ALG13: variants seen among roughly 807,000 people sequenced by gnomAD.
The protein encoded by ALG13 is UDP-N-acetylglucosamine transferase subunit ALG13.
A neutral mutation model predicts 87.8 loss-of-function variants in ALG13; 11 were observed. That is an observed-to-expected ratio of 0.13 (90% CI 0.08 to 0.21). ALG13 has a LOEUF of 0.21. Among genes scored for constraint, ALG13 ranks in the 10% least tolerant of loss-of-function variants. The pLI is 1.00. For synonymous variants in ALG13, 320 were observed against 306.3 expected (o/e 1.04, Z -0.47); for missense variants, 756 against 866.1 (o/e 0.87, Z 1.60).
At chrX:111,740,927 G>T (rs1943688591) in intron 23 of ALG13, among the ~76,000 whole-genome samples, 1 of 112,269 alleles carries the variant, frequency 8.9e-6, no homozygotes, top group African/African-American at 3.2e-5. Context: ...CCAAATAGAT[G>T]AGGGGAAGTA....
chrX:111,709,051 A>G lies in ALG13; in HGVS notation c.834+3A>G, dbSNP rs370066652. ...AAAATCAACAAACTTTTGAGTCTGTAAGTAGAATACATACCCAGGGGAGAA... is the reference window on the plus strand; with the variant it reads ...AAAATCAACAAACTTTTGAGTCTGTGAGTAGAATACATACCCAGGGGAGAA... On this transcript the variant is annotated splice_donor_region_variant and intron_variant, in intron 5 of 26. Transcript: ENST00000394780. 6.3e-6 allele frequency: 7 copies of G among 1,118,094 alleles called. No individual in the cohort carries two copies. In the African/African-American group the frequency reaches 1.1e-4, roughly 17 times the overall value. The allele number at this position is 1,118,094 out of a possible 1,213,427, so 92.1% of individuals were successfully genotyped here. A position where few individuals can be genotyped will look rare whatever the true frequency, so the allele number is the denominator to read the frequency against.
In ALG13 at chrX:111,736,887, A is replaced by AT. The variant is rs1404385521; in HGVS notation, c.2695+10dup. 1.7e-6 allele frequency: 2 copies of AT among 1,188,904 alleles called. No individual in the cohort carries two copies. The highest frequency in any genetic ancestry group is 3.5e-5 in the African/African-American group (2 of 56,581). On this transcript the variant is annotated intron_variant, in intron 23 of 26. Transcript: ENST00000394780. The stretch of plus-strand genomic sequence containing the variant: ...CTACACACGGCAGGCCAGGTAGGTT[A>AT]TTAGCAGATGCTTACTTTGGAAGCC...
chrX:111,686,263 T>TAC, intron 3 of ALG13: 3 of 393,878 alleles, frequency 7.6e-6, no homozygotes, highest in Non-Finnish European at 7.6e-6. Flanking sequence ...TATATATGTG[T>TAC]ATATATATAT....
At position 111,758,914 on chromosome X, in the gene ALG13, G is replaced by C. The variant is rs930175331; in HGVS notation, c.3149-820G>C. Among the ~76,000 whole-genome samples the C allele has an allele frequency of 1.8e-5, 2 of 111,324 alleles. 1 individual carries two copies. The highest frequency in any genetic ancestry group is 6.5e-5 in the African/African-American group (2 of 30,608). ...CAGGAGTTCGTACCTGACTTGCCAG[G>C]GTTGTTATAAGAACTAATTGGGACC... is the stretch of plus-strand genomic sequence containing the variant. On this transcript the variant is annotated intron_variant, in intron 26 of 26. Coordinates refer to ENST00000394780, the MANE Select transcript of ALG13 (RefSeq NM_001099922.3).
intron 24 of ALG13, among the ~76,000 whole-genome samples, chrX:111,748,493 T>A (rs1027176105): frequency 9.0e-6 from 1 of 111,425 alleles, no homozygotes; most frequent in African/African-American, 3.3e-5. Flanking sequence ...TTCATATTTT[T>A]GCATGTGGAT....
At position 111,711,458 on chromosome X, in the gene ALG13, A is replaced by G. The variant is rs113803341; in HGVS notation, c.835-217A>G. On this transcript the variant is annotated intron_variant, in intron 5 of 26. Transcript: ENST00000394780. ...TGATGAAATGCACTGGTATGTGGAT[A>G]TGCCAGGACCAATTCCTAAGATACT... 2.6e-3 allele frequency among the ~76,000 whole-genome samples: 287 copies of G among 112,335 alleles called. 2 individuals are homozygous for G. Among genetic ancestry groups the G allele is most frequent in the African/African-American group, 8.9e-3 (275 of 30,921 alleles).
intron 24 of ALG13, 94 bp downstream of exon 24, chrX:111,744,998 A>G: frequency 4.0e-6 from 3 of 749,542 alleles, no homozygotes; most frequent in Middle Eastern, 7.2e-4. Flanking sequence ...GGGAATGGGG[A>G]ACCAAATGAA....
intron 3 of ALG13, among the ~76,000 whole-genome samples, chrX:111,695,327 C>G (rs1936811624): frequency 9.0e-6 from 1 of 110,674 alleles, no homozygotes; most frequent in African/African-American, 3.3e-5. Flanking sequence ...AGCTTGAGAC[C>G]AGCCTGACCA....
At chrX:111,690,476 C>A in intron 3 of ALG13, 1 of 602,806 alleles carries the variant, frequency 1.7e-6, no homozygotes, top group Non-Finnish European at 2.0e-6. Context: ...GGAAAGAAAG[C>A]TCAAAGGATT....
intron 24 of ALG13, among the ~76,000 whole-genome samples, chrX:111,749,851 T>C (rs756963716): frequency 8.9e-6 from 1 of 111,855 alleles, no homozygotes; most frequent in Admixed American, 9.5e-5. Flanking sequence ...TCACAGAGTG[T>C]TTTTAAAAAA....
In ALG13 at chrX:111,744,774, TC is replaced by T. The variant is rs1569522051; in HGVS notation, c.2804del (p.Pro935LeufsTer54). The T allele has an allele frequency of 1.5e-6, 1 of 685,383 alleles. No individual in the cohort carries two copies. The allele number at this position is 685,383 out of a possible 1,213,427, so 56.5% of individuals were successfully genotyped here. On this transcript the variant is annotated frameshift_variant, in exon 24 of 27. Transcript: ENST00000394780. LOFTEE classifies it high-confidence loss of function. ...PPPPPPPPPP[P>X]PPPPPPPPPP... ...CACCACCACCACCACCACCACCTCC[TC>T]CTCCTCCTCCTCCTCCTCCTCCTCC...
In ALG13 at chrX:111,682,222, C is replaced by T. The variant is rs765437651; in HGVS notation, c.172C>T (p.Leu58=). ...ACCCTTCAGTACTGAGTCGTTTACT[C>T]TGGATGTTTACAGGTACAAGGATTC... ...PEPFSTESFT[L]DVYRYKDSLK... The change falls in exon 2 of 27, where the codon CTG becomes TTG. Residue 58 remains leucine (L), a synonymous_variant. Coordinates refer to ENST00000394780, the MANE Select transcript of ALG13 (RefSeq NM_001099922.3). 4.2e-6 allele frequency: 5 copies of T among 1,199,585 alleles called. No homozygotes were observed. In the South Asian group the frequency reaches 7.3e-5, roughly 18 times the overall value.
chrX:111,707,219 A>G (rs1457948067), intron 3 of ALG13, among the ~76,000 whole-genome samples: 5 of 111,988 alleles, frequency 4.5e-5, no homozygotes. Flanking sequence ...TCATTGTCCA[A>G]CTCATCTCAT....
At position 111,726,877 on chromosome X, in the gene ALG13, A is replaced by C. The variant is rs189931917; in HGVS notation, c.1798A>C (p.Met600Leu). 5 of 1,211,364 alleles carry C rather than the reference A, an allele frequency of 4.1e-6. No individual in the cohort carries two copies. In the South Asian group the frequency reaches 7.0e-5, roughly 17 times the overall value. Residue 600 changes from methionine to leucine, a missense_variant, in exon 16 of 27, where the codon ATG becomes CTG. This residue lies in a region of ALG13 where 362 missense variants were observed against 383.5 expected (regional missense o/e 0.94). Coordinates refer to ENST00000394780, the MANE Select transcript of ALG13 (RefSeq NM_001099922.3). Reference sequence around the variant, plus strand: ...GAAAATTCGAGGGAAAGAAGTTTACATGACTATGGCTTACGGCAAGGGAGA... The same window carrying C: ...GAAAATTCGAGGGAAAGAAGTTTACCTGACTATGGCTTACGGCAAGGGAGA... Reference protein sequence around the residue: ...FKKIRGKEVYMTMAYGKGDPL... With the variant: ...FKKIRGKEVYLTMAYGKGDPL...
chrX:111,687,771 G>A (rs1272255651), intron 3 of ALG13: 6 of 571,143 alleles, frequency 1.1e-5, no homozygotes, highest in Non-Finnish European at 1.6e-5. Flanking sequence ...ATTCACATGT[G>A]CAGTTTTTAG....
chrX:111,699,018 CTTG>C (rs1480538180), intron 3 of ALG13, among the ~76,000 whole-genome samples: 6 of 112,025 alleles, frequency 5.4e-5, no homozygotes, highest in Admixed American at 3.8e-4. Context: ...CTTGCCAACA[CTTG>C]TTATCTTTCA....
intron 1 of ALG13, 27 bp from the exon 2 acceptor site, chrX:111,682,105 C>T (rs141162495): frequency 8.7e-7 from 1 of 1,146,927 alleles, no homozygotes; most frequent in Middle Eastern, 2.5e-4. Flanking sequence ...GTTTAAAAGG[C>T]CCTCACATTC....
chrX:111,727,528 T>A, intron 17 of ALG13, 83 bp downstream of exon 17: 1 of 1,093,229 alleles, frequency 9.1e-7, no homozygotes, highest in Non-Finnish European at 1.2e-6. Context: ...GTGTCAACTT[T>A]GAGATATTTG....
chrX:111,726,147 G>A (rs1446636810), intron 15 of ALG13, among the ~76,000 whole-genome samples: 10 of 107,629 alleles, frequency 9.3e-5, no homozygotes, highest in African/African-American at 3.0e-4. Flanking sequence ...GGGTTTCACC[G>A]TGTTAGCCAA....
Sources: allele counts gnomAD v4.1 joint callset (sites outside exome capture counted in the v4.1 genomes callset), GRCh38; gene constraint gnomAD v4.1.1; regional missense constraint gnomAD v4.1.1; transcripts MANE v1.5; gene names NCBI Gene and HGNC (gene_info 2026-07-23, HGNC 2026-07-21).